BAHCC1: variants seen among roughly 807,000 people sequenced by gnomAD.
BAHCC1 encodes the protein BAH domain and coiled-coil containing 1.
In BAHCC1, 43 loss-of-function variants were observed where a neutral mutation model predicts 88.2. The ratio of observed to expected loss-of-function variants is 0.49; its 90% confidence interval spans 0.38 to 0.63. The LOEUF is 0.63. Among genes scored for constraint, BAHCC1 ranks in the 20% least tolerant of loss-of-function variants. BAHCC1 has a pLI of 0.00. For missense variants in BAHCC1, 3,023 were observed against 1,654.8 expected (o/e 1.83, Z -14.34); for synonymous variants, 1,510 against 745.5 (o/e 2.03, Z -16.71).
chr17:81,447,178 G>T lies in BAHCC1; in HGVS notation c.3306G>T (p.Leu1102=). 1.3e-6 allele frequency: 1 copy of T among 770,584 alleles called. No homozygotes were observed. Among genetic ancestry groups the T allele is most frequent in the Non-Finnish European group, 2.4e-6 (1 of 413,860 alleles). The allele number at this position is 770,584 out of a possible 1,614,324, so 47.7% of individuals were successfully genotyped here. The change falls in exon 11 of 28, where the codon CTG becomes CTT. Residue 1102 remains leucine, a synonymous_variant. Transcript: ENST00000675386. ...AGCCTGAGCCCACAAGGACATTCCT[G>T]CCTGGGGAGCCGCCTCCCTGCAGCC... ...GAQPEPTRTF[L]PGEPPPCSPR... is the part of the protein sequence containing the mutation.
Position 81,460,416 on chromosome 17 carries a change from G to A in BAHCC1, c.6025+20G>A, listed in dbSNP as rs763528729. 1.4e-4 allele frequency: 102 copies of A among 748,124 alleles called. No individual in the cohort carries two copies. Among genetic ancestry groups the A allele is most frequent in the Non-Finnish European group, 2.1e-4 (84 of 402,360 alleles). The allele number at this position is 748,124 out of a possible 1,614,324, so 46.3% of individuals were successfully genotyped here. A position where few individuals can be genotyped will look rare whatever the true frequency, so the allele number is the denominator to read the frequency against. On this transcript the variant is annotated intron_variant, in intron 24 of 27. Coordinates refer to ENST00000675386, the MANE Select transcript of BAHCC1 (RefSeq NM_001377448.1). ...TCCAGTGTGAGCCTGGGAGCTGCAC[G>A]GGGCAGGGCCCTGCCTGGGCTCCAC...
At position 81,442,756 on chromosome 17, in the gene BAHCC1, C is replaced by G; in HGVS notation, c.1407C>G (p.Asp469Glu). The G allele has an allele frequency of 1.3e-6, 1 of 779,258 alleles. No homozygotes were observed. The highest frequency in any genetic ancestry group is 2.4e-6 in the Non-Finnish European group (1 of 417,798). 48.3% of individuals were successfully genotyped at this position (779,258 alleles called of 1,614,324 possible). Residue 469 changes from aspartate to glutamate, a missense_variant, in exon 5 of 28, where the codon GAC (aspartate) becomes GAG (glutamate). Asp to Glu is a conservative substitution (Grantham distance 45). Transcript: ENST00000675386. Reference protein sequence around the residue: ...AALNPRLKGLDYLSSAGPEAS... With the variant: ...AALNPRLKGLEYLSSAGPEAS... ...TCAACCCCCGGCTAAAGGGCCTCGA[C>G]TATCTCAGCAGCGCAGGCCCCGAGG...
rs564984265 is a variant in BAHCC1 at position 81,424,960 on chromosome 17, G to T, written c.179-1840G>T. ...CTGATAGTGGTGGGTGATGTGGTTG[G>T]CATGATGTGGTTGGTGTGATGTGGT... On this transcript the variant is annotated intron_variant, in intron 2 of 27. Transcript: ENST00000675386. Among the ~76,000 whole-genome samples the T allele has an allele frequency of 1.4e-3, 209 of 148,944 alleles. 2 individuals are homozygous for T. Among genetic ancestry groups the T allele is most frequent in the African/African-American group, 5.0e-3 (201 of 40,260 alleles).
Position 81,411,375 on chromosome 17 carries a change from T to G in BAHCC1, c.178+11458T>G, listed in dbSNP as rs2063948181. Among the ~76,000 whole-genome samples, 1 of 117,896 alleles carries G rather than the reference T, an allele frequency of 8.5e-6. No individual in the cohort carries two copies. The highest frequency in any genetic ancestry group is 3.3e-5 in the African/African-American group (1 of 30,732). 77.3% of individuals were successfully genotyped at this position (117,896 alleles called of 152,430 possible). ...ACGGGAGGCACCGGTGCCCTGTGGG[T>G]GGGAGCACTGCTGGCTCCATCCTCC... On this transcript the variant is annotated intron_variant, in intron 2 of 27. Coordinates refer to ENST00000675386, the MANE Select transcript of BAHCC1 (RefSeq NM_001377448.1). This position sits in a 1 kb window ranked among gnomAD's most constrained non-coding sequence, Gnocchi z 6.2.
At position 81,443,435 on chromosome 17, in the gene BAHCC1, G is replaced by A. The variant is rs781787566; in HGVS notation, c.2086G>A (p.Gly696Arg). ...SREHDTTHGDGEVRQPPVGIA... is the reference protein window; with the variant it reads ...SREHDTTHGDREVRQPPVGIA... ...GGAGCACGACACCACGCACGGCGAC[G>A]GGGAGGTGCGGCAGCCCCCTGTGGG... Residue 696 changes from glycine to arginine, a missense_variant, in exon 5 of 28, where the codon GGG becomes AGG. Physicochemically the swap from Gly to Arg is moderately radical, Grantham distance 125 (BLOSUM62 -2). Transcript: ENST00000675386. 18 of 752,180 alleles carry A rather than the reference G, an allele frequency of 2.4e-5. No individual in the cohort carries two copies. Among genetic ancestry groups the A allele is most frequent in the South Asian group, 4.2e-5 (3 of 70,930 alleles). The allele number at this position is 752,180 out of a possible 1,614,324, so 46.6% of individuals were successfully genotyped here.
At chr17:81,402,039 G>A (rs1384092537) in intron 2 of BAHCC1, 1 of 152,412 alleles carries the variant, frequency 6.6e-6, no homozygotes, top group Non-Finnish European at 1.5e-5. Context: ...TCTGGGCTCT[G>A]GCCTGGCCTG....
Position 81,447,718 on chromosome 17 carries a change from GC to G in BAHCC1, c.3851del (p.Pro1284GlnfsTer49). On this transcript the variant is annotated frameshift_variant, in exon 11 of 28. Coordinates refer to ENST00000675386, the MANE Select transcript of BAHCC1 (RefSeq NM_001377448.1). LOFTEE classifies it high-confidence loss of function. ...CCAGCGACAGCCCACCGGACCCTCA[GC>G]CCCCAGCGGCCTCTGGGCCCCCCAG... ...LPSDSPPDPQ[P>X]PAASGPPSTV... 1 of 733,136 alleles carries G rather than the reference GC, an allele frequency of 1.4e-6. No individual in the cohort carries two copies. Among genetic ancestry groups the G allele is most frequent in the Non-Finnish European group, 2.5e-6 (1 of 394,564 alleles). The allele number at this position is 733,136 out of a possible 1,614,324, so 45.4% of individuals were successfully genotyped here.
In BAHCC1 at chr17:81,458,208, G is replaced by C. The variant is rs1555657900; in HGVS notation, c.5085G>C (p.Lys1695Asn). The C allele has an allele frequency of 2.7e-6, 2 of 729,710 alleles. No homozygotes were observed. The highest frequency in any genetic ancestry group is 4.6e-4 in the Middle Eastern group (2 of 4,380). The allele number at this position is 729,710 out of a possible 1,614,324, so 45.2% of individuals were successfully genotyped here. The change falls in exon 18 of 28, where the codon AAG becomes AAC. Residue 1695 changes from lysine to asparagine, a missense_variant. Lys to Asn is a moderately conservative substitution (Grantham distance 94). Coordinates refer to ENST00000675386, the MANE Select transcript of BAHCC1 (RefSeq NM_001377448.1). Reference sequence around the variant, plus strand: ...GCCCTGAGAGTGAGGTCAAGATCAAGAGGCGGTCGGTGAAGGCCAAGGTGG... The same window carrying C: ...GCCCTGAGAGTGAGGTCAAGATCAACAGGCGGTCGGTGAAGGCCAAGGTGG... ...LSSPESEVKI[K>N]RRSVKAKVGT... is the part of the protein sequence containing the mutation.
Position 81,435,891 on chromosome 17 carries a change from G to A in BAHCC1, c.359-2479G>A, listed in dbSNP as rs1050542195. Among the ~76,000 whole-genome samples the A allele has an allele frequency of 6.6e-6, 1 of 152,158 alleles. No homozygotes were observed. Among genetic ancestry groups the A allele is most frequent in the African/African-American group, 2.4e-5 (1 of 41,434 alleles). On this transcript the variant is annotated intron_variant, in intron 3 of 27. Transcript: ENST00000675386. This position sits in a 1 kb window ranked among gnomAD's most constrained non-coding sequence, Gnocchi z 4.4. ...CAGCAGCCCTGCCTTCTGGCTTCTG[G>A]CCTCAGAACAGCTGCTCTGATTCAT...
rs1400788664 is a variant in BAHCC1, at chr17:81,452,770, C to G, written c.4364C>G (p.Pro1455Arg). The change falls in exon 14 of 28, where the codon CCG becomes CGG. Residue 1455 changes from proline to arginine, a missense_variant. Physicochemically the swap from Pro to Arg is moderately radical, Grantham distance 103 (BLOSUM62 -2). Transcript: ENST00000675386. ...CCTGCACGGCGGGGGCCTGGCCGGC[C>G]GAGGAAGCGCAAACACTCAAGCTCG... ...RSPARRGPGR[P>R]RKRKHSSSLP... 1.3e-6 allele frequency: 1 copy of G among 743,328 alleles called. No individual in the cohort carries two copies. Among genetic ancestry groups the G allele is most frequent in the East Asian group, 2.6e-5 (1 of 38,178 alleles). 46.0% of individuals were successfully genotyped at this position (743,328 alleles called of 1,614,324 possible).
rs1555645649 is a variant in BAHCC1 at position 81,399,683 on chromosome 17, C to G, written c.-57C>G. 1.0e-6 allele frequency: 1 copy of G among 984,038 alleles called. No individual in the cohort carries two copies. The allele number at this position is 984,038 out of a possible 1,614,324, so 61.0% of individuals were successfully genotyped here. ...CGCCGCCCGCGCGCCGAGCCGCCCC[C>G]GGGCCCCGGCCGCGCTGCTCCGAGG... On this transcript the variant is annotated 5_prime_UTR_variant, in exon 2 of 28. Coordinates refer to ENST00000675386, the MANE Select transcript of BAHCC1 (RefSeq NM_001377448.1). The surrounding 1 kb of genome is among the most constrained non-coding windows in gnomAD (Gnocchi z 4.5).
chr17:81,461,362 C>G lies in BAHCC1; in HGVS notation c.6699C>G (p.Phe2233Leu). The G allele has an allele frequency of 1.4e-6, 1 of 726,306 alleles. No individual in the cohort carries two copies. The highest frequency in any genetic ancestry group is 1.5e-5 in the South Asian group (1 of 66,870). The allele number at this position is 726,306 out of a possible 1,614,324, so 45.0% of individuals were successfully genotyped here. ...CKALLMGDKD[F>L]SPKLGRPLPS... is the part of the protein sequence containing the mutation. Reference sequence around the variant, plus strand: ...CGTTGCTCATGGGGGACAAGGACTTCAGCCCCAAGCTCGGGCGGCCCCTGC... The same window carrying G: ...CGTTGCTCATGGGGGACAAGGACTTGAGCCCCAAGCTCGGGCGGCCCCTGC... Residue 2233 changes from phenylalanine to leucine, a missense_variant, in exon 26 of 28, where the codon TTC (phenylalanine) becomes TTG (leucine). Transcript: ENST00000675386.
rs1353695595 is a variant in BAHCC1 at position 81,435,307 on chromosome 17, C to T, written c.359-3063C>T. 7.9e-6 allele frequency: 3 copies of T among 378,108 alleles called. No homozygotes were observed. Among genetic ancestry groups the T allele is most frequent in the African/African-American group, 2.1e-5 (1 of 47,630 alleles). The allele number at this position is 378,108 out of a possible 1,614,324, so 23.4% of individuals were successfully genotyped here. A position where few individuals can be genotyped will look rare whatever the true frequency, so the allele number is the denominator to read the frequency against. ...CCATCAGGTGCCTGTGGCTTTGAGC[C>T]TCTGTCTCCTGCAGTCTGTCCCATC... On this transcript the variant is annotated intron_variant, in intron 3 of 27. Coordinates refer to ENST00000675386, the MANE Select transcript of BAHCC1 (RefSeq NM_001377448.1). The surrounding 1 kb of genome is among the most constrained non-coding windows in gnomAD (Gnocchi z 4.4).
chr17:81,406,844 T>C (rs1202903044), intron 2 of BAHCC1: 5 of 455,496 alleles, frequency 1.1e-5, no homozygotes, highest in Non-Finnish European at 1.8e-5. Flanking sequence ...TCGGGTCTGG[T>C]GGGGAGGCGT....
Position 81,447,339 on chromosome 17 carries a change from A to T in BAHCC1, c.3467A>T (p.Glu1156Val). 1.3e-6 allele frequency: 1 copy of T among 748,350 alleles called. No individual in the cohort carries two copies. Among genetic ancestry groups the T allele is most frequent in the Non-Finnish European group, 2.5e-6 (1 of 403,680 alleles). 46.4% of individuals were successfully genotyped at this position (748,350 alleles called of 1,614,324 possible). A position where few individuals can be genotyped will look rare whatever the true frequency, so the allele number is the denominator to read the frequency against. ...ADPSPLEGLQ[E>V]LQCAALLEAG... is the part of the protein sequence containing the mutation. ...CCCAGCCCACTAGAGGGGCTACAAG[A>T]ACTGCAATGTGCGGCCCTCCTGGAG... The change falls in exon 11 of 28, where the codon GAA becomes GTA. Residue 1156 changes from glutamate to valine, a missense_variant. Transcript: ENST00000675386.
intron 4 of BAHCC1, among the ~76,000 whole-genome samples, chr17:81,441,050 T>TCACTGCCTGCCCCGCATCCCCCGAAAATC (rs2064405533): frequency 1.3e-5 from 2 of 152,124 alleles, no homozygotes; most frequent in African/African-American, 4.8e-5. Context: ...TCTGTAACAC[T>TCACTGCCTGCCCCGCATCCCCCGAAAATC]CACTGCCTGC....
chr17:81,408,915 C>T (rs929202918), intron 2 of BAHCC1, among the ~76,000 whole-genome samples: 5 of 152,234 alleles, frequency 3.3e-5, no homozygotes, highest in Non-Finnish European at 2.9e-5. Flanking sequence ...CACTGGCCTC[C>T]GTCTCCTGCC....
rs2063959999 is a variant in BAHCC1 at position 81,411,910 on chromosome 17, G to A, written c.178+11993G>A. 6.6e-6 allele frequency among the ~76,000 whole-genome samples: 1 copy of A among 152,206 alleles called. No homozygotes were observed. Among genetic ancestry groups the A allele is most frequent in the African/African-American group, 2.4e-5 (1 of 41,424 alleles). ...GCTCAGCGCTTACCATCGTATCCCT[G>A]CATCCGAGGGTAGCTTTGCCACAGG... On this transcript the variant is annotated intron_variant, in intron 2 of 27. Coordinates refer to ENST00000675386, the MANE Select transcript of BAHCC1 (RefSeq NM_001377448.1). This position sits in a 1 kb window ranked among gnomAD's most constrained non-coding sequence, Gnocchi z 6.2.
chr17:81,405,570 C>T (rs1449525564), intron 2 of BAHCC1, among the ~76,000 whole-genome samples: 17 of 152,190 alleles, frequency 1.1e-4, no homozygotes, highest in African/African-American at 2.9e-4. Flanking sequence ...ATACCCTGAT[C>T]TAGCTCCAGG....
Sources: gnomAD v4.1 joint callset for allele counts (sites outside exome capture counted in the v4.1 genomes callset) on GRCh38, gnomAD v4.1.1 for gene constraint, Gnocchi (gnomAD v3.1) non-coding constraint, MANE v1.5 for transcripts, NCBI Gene and HGNC (gene_info 2026-07-23, HGNC 2026-07-21) for gene names.